The following DNAH14 variants were observed in gnomAD, a reference collection of about 807,000 sequenced individuals.
DNAH14 encodes the protein dynein axonemal heavy chain 14.
Under a neutral mutation model 520.9 loss-of-function variants are expected in DNAH14, and 478 were observed. The ratio of observed to expected loss-of-function variants is 0.92; its 90% CI spans 0.85 to 0.99. The LOEUF (loss-of-function observed/expected upper bound fraction) is 0.99, where lower values mean the gene tolerates loss of function less well. Ranked by LOEUF, DNAH14 falls within the 50% of genes least tolerant of loss-of-function variation. DNAH14 has a pLI of 0.00. For missense variants in DNAH14, 4,831 were observed against 5,234.5 expected (o/e 0.92, Z 2.38); for synonymous variants, 1,581 against 1,757.2 (o/e 0.90, Z 2.51).
chr1:225,363,464 G>C (rs911699563), intron 75 of DNAH14, among the ~76,000 whole-genome samples: 2 of 152,090 alleles, frequency 1.3e-5, no homozygotes, highest in Non-Finnish European at 2.9e-5. Flanking sequence ...TGAATTCCTG[G>C]GCTCAAGTGA....
chr1:225,211,760 C>A (rs1322371908), intron 41 of DNAH14, among the ~76,000 whole-genome samples: 1 of 151,992 alleles, frequency 6.6e-6, no homozygotes, highest in African/African-American at 2.4e-5. Context: ...TTGGGTTACC[C>A]ACAAAGGGAA....
At position 225,233,039 on chromosome 1, in the gene DNAH14, T is replaced by C. The variant is rs185034087; in HGVS notation, c.6518+1888T>C. Among the ~76,000 whole-genome samples the C allele has an allele frequency of 5.3e-5, 8 of 152,306 alleles. 1 individual carries two copies. On this transcript the variant is annotated intron_variant, in intron 42 of 85. Transcript: ENST00000682510. The stretch of plus-strand genomic sequence containing the variant: ...GTTCTCATCCTTCAGCTCCAACTTA[T>C]AAGTGAGAACATGTAGTGTTTGGTT...
rs900559329 is a variant in DNAH14, at chr1:225,324,335, C to G, written c.9609C>G (p.Asn3203Lys). 5.8e-6 allele frequency: 9 copies of G among 1,551,802 alleles called. No homozygotes were observed. The African/African-American group carries it at 1.2e-4, about 21-fold the overall frequency. ...GCCAGTGGGTTATAGCTTTGAATAA[C>G]TACCATGAAGTACAGAAGGTATGCT... Reference protein sequence around the residue: ...SLCQWVIALNNYHEVQKVVGP... With the variant: ...SLCQWVIALNKYHEVQKVVGP... The change falls in exon 63 of 86, where the codon AAC (asparagine) becomes AAG (lysine). Residue 3203 changes from asparagine (N) to lysine (K), a missense_variant. By Grantham distance (94) the Asn-to-Lys change is moderately conservative. Coordinates refer to ENST00000682510, the MANE Select transcript of DNAH14 (RefSeq NM_001367479.1).
At chr1:225,126,749 G>A (rs190356159) in intron 27 of DNAH14, among the ~76,000 whole-genome samples, 1 of 152,166 alleles carries the variant, frequency 6.6e-6, no homozygotes, top group East Asian at 1.9e-4. Flanking sequence ...CCTTCTGCAA[G>A]CTTTTGAATG....
At chr1:225,031,729 C>A (rs2066542020) in intron 11 of DNAH14, among the ~76,000 whole-genome samples, 1 of 152,012 alleles carries the variant, frequency 6.6e-6, no homozygotes. Context: ...CCTTTTACAG[C>A]ATTCTTTTAC....
At chr1:224,977,272 G>A (rs1403331230) in intron 8 of DNAH14, among the ~76,000 whole-genome samples, 4 of 148,348 alleles carry the variant, frequency 2.7e-5, no homozygotes, top group Non-Finnish European at 4.4e-5. Flanking sequence ...TCACTCATAG[G>A]TGGGAATTGA....
At chr1:225,089,481 A>G (rs2074166572) in intron 21 of DNAH14, among the ~76,000 whole-genome samples, 1 of 150,060 alleles carries the variant, frequency 6.7e-6, no homozygotes, top group Admixed American at 6.6e-5. Flanking sequence ...CGAGAGAAAG[A>G]AAAGAAAAGA....
chr1:225,380,703 A>C (rs2095768891), intron 80 of DNAH14, among the ~76,000 whole-genome samples: 1 of 152,234 alleles, frequency 6.6e-6, no homozygotes, highest in Non-Finnish European at 1.5e-5. Context: ...GACTCCAAGA[A>C]GCTAAGGGGA....
Position 225,089,464 on chromosome 1 carries a change from A to AAAAAAAAAAAAAAAAAAAAAAG in DNAH14, c.3573+3676_3573+3677insAAAAAAAAAAAAAAAAAAAAGA, listed in dbSNP as rs775049047. Among the ~76,000 whole-genome samples the AAAAAAAAAAAAAAAAAAAAAAG allele has an allele frequency of 3.3e-4, 45 of 138,370 alleles. 2 individuals are homozygous for AAAAAAAAAAAAAAAAAAAAAAG. The highest frequency in any genetic ancestry group is 6.0e-4 in the Non-Finnish European group (38 of 63,086). 90.8% of individuals were successfully genotyped at this position (138,370 alleles called of 152,430 possible). A position where few individuals can be genotyped will look rare whatever the true frequency, so the allele number is the denominator to read the frequency against. ...CGTCAAAAAAAAAAAAAAAAAAAAAAAGAGAGCGAGAGAAAGAAAAGAAAA... is the reference window on the plus strand; with the variant it reads ...CGTCAAAAAAAAAAAAAAAAAAAAAAAAAAAAAAAAAAAAAAAAAAAGAGAGAGCGAGAGAAAGAAAAGAAAA... On this transcript the variant is annotated intron_variant, in intron 21 of 85. Coordinates refer to ENST00000682510, the MANE Select transcript of DNAH14 (RefSeq NM_001367479.1).
intron 61 of DNAH14, among the ~76,000 whole-genome samples, chr1:225,321,914 T>C (rs922618081): frequency 6.6e-6 from 1 of 151,830 alleles, no homozygotes; most frequent in Admixed American, 6.6e-5. Flanking sequence ...TTAAGGGGAG[T>C]TGGCTGTTAT....
intron 69 of DNAH14, among the ~76,000 whole-genome samples, chr1:225,343,389 C>T (rs2095231417): frequency 6.6e-6 from 1 of 152,134 alleles, no homozygotes; most frequent in Non-Finnish European, 1.5e-5. Context: ...CTCAAACAAA[C>T]AAAAACTTAA....
intron 77 of DNAH14, among the ~76,000 whole-genome samples, chr1:225,369,184 AGG>A (rs553479720): frequency 8.5e-5 from 13 of 152,288 alleles, no homozygotes; most frequent in South Asian, 8.3e-4. Flanking sequence ...TCAAAATAAA[AGG>A]GAGAGAAAAA....
intron 17 of DNAH14, among the ~76,000 whole-genome samples, chr1:225,056,244 G>A (rs1407545094): frequency 1.3e-5 from 2 of 152,122 alleles, no homozygotes; most frequent in Non-Finnish European, 2.9e-5. Flanking sequence ...GGTGTGAGAT[G>A]GTTTCTCATT....
intron 66 of DNAH14, 22 bp from the exon 67 acceptor site, chr1:225,337,244 A>G: frequency 6.5e-7 from 1 of 1,532,492 alleles, no homozygotes; most frequent in Non-Finnish European, 8.9e-7. Context: ...AAATAGTGAA[A>G]GTACTAATAA....
Position 225,038,916 on chromosome 1 carries a change from C to T in DNAH14, c.1488+93C>T, listed in dbSNP as rs546423082. Reference sequence around the variant, plus strand: ...AAATGTGATTTATGATTAATACCCACAAGCCCTTACCCAACATACCCTCGC... The same window carrying T: ...AAATGTGATTTATGATTAATACCCATAAGCCCTTACCCAACATACCCTCGC... On this transcript the variant is annotated intron_variant, in intron 12 of 85. Coordinates refer to ENST00000682510, the MANE Select transcript of DNAH14 (RefSeq NM_001367479.1). The T allele has an allele frequency of 2.2e-4, 260 of 1,159,872 alleles. 2 individuals are homozygous for T. Among genetic ancestry groups the T allele is most frequent in the South Asian group, 5.4e-4 (30 of 55,664 alleles). 71.8% of individuals were successfully genotyped at this position (1,159,872 alleles called of 1,614,324 possible). A position where few individuals can be genotyped will look rare whatever the true frequency, so the allele number is the denominator to read the frequency against.
chr1:225,111,045 T>G (rs1449491903), intron 23 of DNAH14, among the ~76,000 whole-genome samples: 1 of 152,122 alleles, frequency 6.6e-6, no homozygotes, highest in Non-Finnish European at 1.5e-5. Context: ...GCCTAACATA[T>G]CATTCTTTGA....
rs185716984 is a variant in DNAH14 at position 225,273,400 on chromosome 1, G to C, written c.8010+275G>C. Among the ~76,000 whole-genome samples, 300 of 152,358 alleles carry C rather than the reference G, an allele frequency of 2.0e-3. 1 individual carries two copies. Among genetic ancestry groups the C allele is most frequent in the Non-Finnish European group, 3.1e-3 (209 of 68,036 alleles). On this transcript the variant is annotated intron_variant, in intron 52 of 85. Coordinates refer to ENST00000682510, the MANE Select transcript of DNAH14 (RefSeq NM_001367479.1). ...GAGCCGATGAGCCGAGATCGCACCA[G>C]TGCAGTCCAGCCTGGGCGACAGAGC...
chr1:225,353,667 C>A, intron 72 of DNAH14, 136 bp from the exon 73 acceptor site: 1 of 605,232 alleles, frequency 1.7e-6, no homozygotes, highest in Non-Finnish European at 3.0e-6. Context: ...AGAAATAAAG[C>A]TCACTTTAAA....
chr1:225,042,475 T>G (rs2067566481), intron 12 of DNAH14, among the ~76,000 whole-genome samples: 5 of 152,166 alleles, frequency 3.3e-5, no homozygotes. Flanking sequence ...TAGAGTCACC[T>G]GTTGAGCTTG....
Sources: allele counts gnomAD v4.1 joint callset (sites outside exome capture counted in the v4.1 genomes callset), GRCh38; gene constraint gnomAD v4.1.1; transcripts MANE v1.5; gene names NCBI Gene and HGNC (gene_info 2026-07-23, HGNC 2026-07-21).